The following GPC6 variants were observed in gnomAD, a reference collection of about 807,000 sequenced individuals.
The protein encoded by GPC6 is glypican-6.
In GPC6, 14 loss-of-function variants were observed where a neutral mutation model predicts 55.2. The observed-to-expected ratio is 0.25, with a 90% CI of 0.17 to 0.40. The LOEUF is 0.40. Among genes scored for constraint, GPC6 ranks in the 10% least tolerant of loss-of-function variants. The probability of loss-of-function intolerance (pLI) is 1.00; values close to 1 mark genes in which losing one functional copy is unlikely to be tolerated. For missense variants in GPC6, 641 were observed against 708.5 expected (o/e 0.90, Z 1.08); for synonymous variants, 278 against 259.6 (o/e 1.07, Z -0.68).
At chr13:93,723,441 A>G (rs1463026118) in intron 2 of GPC6, among the ~76,000 whole-genome samples, 1 of 152,008 alleles carries the variant, frequency 6.6e-6, no homozygotes, top group African/African-American at 2.4e-5. Context: ...GATGTACAGC[A>G]AAAGGAGCAG....
intron 6 of GPC6, among the ~76,000 whole-genome samples, chr13:94,332,193 A>C (rs1877461759): frequency 6.6e-6 from 1 of 152,056 alleles, no homozygotes; most frequent in African/African-American, 2.4e-5. Context: ...CCCTTTTCTC[A>C]TCCTTTTTTG....
intron 4 of GPC6, among the ~76,000 whole-genome samples, chr13:94,078,692 CA>C (rs1168897846): frequency 6.6e-6 from 1 of 151,790 alleles, no homozygotes; most frequent in Non-Finnish European, 1.5e-5. Context: ...GACACTGAAA[CA>C]TGAACTAAAA....
intron 1 of GPC6, among the ~76,000 whole-genome samples, chr13:93,330,841 C>A (rs1378782125): frequency 3.9e-5 from 6 of 152,118 alleles, no homozygotes; most frequent in Non-Finnish European, 7.4e-5. Flanking sequence ...ACGCAAATCC[C>A]AACAAAATGA....
chr13:93,740,638 C>T (rs1422533280), intron 2 of GPC6, among the ~76,000 whole-genome samples: 2 of 152,178 alleles, frequency 1.3e-5, no homozygotes, highest in African/African-American at 4.8e-5. Flanking sequence ...GATAAAATCT[C>T]CTGATCATAT....
chr13:93,270,424 A>G (rs1157695049), intron 1 of GPC6, among the ~76,000 whole-genome samples: 1 of 152,070 alleles, frequency 6.6e-6, no homozygotes, highest in Non-Finnish European at 1.5e-5. Context: ...ATATTTATAT[A>G]ATATCAAGGG....
chr13:94,027,838 T>C lies in GPC6; in HGVS notation c.821T>C (p.Met274Thr). 1 of 1,614,098 alleles carries C rather than the reference T, an allele frequency of 6.2e-7. No homozygotes were observed. Among genetic ancestry groups the C allele is most frequent in the Non-Finnish European group, 8.5e-7 (1 of 1,180,010 alleles). ...RPCNNYCLNV[M>T]KGCLANQADL... ...TGCAACAACTACTGTCTCAACGTCATGAAGGGCTGCTTGGCAAATCAGGCT... is the reference window on the plus strand; with the variant it reads ...TGCAACAACTACTGTCTCAACGTCACGAAGGGCTGCTTGGCAAATCAGGCT... The change falls in exon 4 of 9, where the codon ATG becomes ACG. Residue 274 changes from methionine (M) to threonine (T), a missense_variant. By Grantham distance (81) the Met-to-Thr change is moderately conservative. Coordinates refer to ENST00000377047, the MANE Select transcript of GPC6 (RefSeq NM_005708.5).
At chr13:93,400,166 T>G (rs1438785822) in intron 1 of GPC6, among the ~76,000 whole-genome samples, 1 of 152,102 alleles carries the variant, frequency 6.6e-6, no homozygotes, top group Non-Finnish European at 1.5e-5. Context: ...AGATTTGGTT[T>G]TCTAAGCTCA....
At position 94,385,239 on chromosome 13, in the gene GPC6, C is replaced by CAA. The variant is rs35550666; in HGVS notation, c.1289+2703_1289+2704dup. On this transcript the variant is annotated intron_variant, in intron 7 of 8. Transcript: ENST00000377047. ...TGGGTGACAGAGTGAGACTCCATCT[C>CAA]AAAAAAAAAAAAAAATGGCAATGGG... 5.8e-3 allele frequency among the ~76,000 whole-genome samples: 727 copies of CAA among 126,080 alleles called. 3 individuals are homozygous for CAA. The highest frequency in any genetic ancestry group is 0.02 in the African/African-American group (674 of 34,448). 82.7% of individuals were successfully genotyped at this position (126,080 alleles called of 152,430 possible).
At chr13:94,066,257 C>A (rs1884512186) in intron 4 of GPC6, among the ~76,000 whole-genome samples, 1 of 151,928 alleles carries the variant, frequency 6.6e-6, no homozygotes, top group South Asian at 2.1e-4. Context: ...CCTTATTATC[C>A]AATTATTCAC....
intron 3 of GPC6, among the ~76,000 whole-genome samples, chr13:93,842,338 A>G (rs1887983027): frequency 6.6e-6 from 1 of 152,170 alleles, no homozygotes; most frequent in African/African-American, 2.4e-5. Flanking sequence ...GGTAGAGAGA[A>G]GATAACTATA....
intron 3 of GPC6, among the ~76,000 whole-genome samples, chr13:93,971,655 G>C (rs1051761275): frequency 1.3e-5 from 2 of 152,214 alleles, no homozygotes; most frequent in African/African-American, 4.8e-5. Flanking sequence ...TAAGGAAAGT[G>C]TAACTTAAGA....
chr13:93,463,942 A>G (rs557171141), intron 1 of GPC6, among the ~76,000 whole-genome samples: 2 of 152,246 alleles, frequency 1.3e-5, no homozygotes, highest in South Asian at 2.1e-4. Context: ...TCTCTGAGGT[A>G]TGGTGGATTC....
chr13:93,568,186 C>T (rs1174907978), intron 2 of GPC6, among the ~76,000 whole-genome samples: 1 of 152,134 alleles, frequency 6.6e-6, no homozygotes, highest in Non-Finnish European at 1.5e-5. Flanking sequence ...TACTAGTTAC[C>T]TCCACTTACC....
intron 1 of GPC6, among the ~76,000 whole-genome samples, chr13:93,269,878 C>T (rs1536697): frequency 0.26 from 28,345 of 110,238 alleles, 3,319 homozygotes; most frequent in Middle Eastern, 0.39. Context: ...GGCGACAGAG[C>T]AAGACTCCAT....
At chr13:94,399,712 A>T (rs536745359) in intron 8 of GPC6, among the ~76,000 whole-genome samples, 5 of 152,324 alleles carry the variant, frequency 3.3e-5, no homozygotes, top group African/African-American at 7.2e-5. Context: ...CATTTTAAAG[A>T]ACTCAAAAAA....
chr13:93,388,278 T>C (rs1455039152), intron 1 of GPC6, among the ~76,000 whole-genome samples: 2 of 152,182 alleles, frequency 1.3e-5, no homozygotes, highest in African/African-American at 2.4e-5. Flanking sequence ...ATTTATCAGC[T>C]GTTAATCCAG....
At chr13:94,028,549 G>A (rs1296735359) in intron 4 of GPC6, among the ~76,000 whole-genome samples, 1 of 149,798 alleles carries the variant, frequency 6.7e-6, no homozygotes, top group African/African-American at 2.4e-5. Context: ...TTTTTTATTT[G>A]TATTACCTCA....
chr13:94,000,467 T>A (rs1881748930), intron 3 of GPC6, among the ~76,000 whole-genome samples: 1 of 152,200 alleles, frequency 6.6e-6, no homozygotes, highest in Non-Finnish European at 1.5e-5. Context: ...TGCTTAGAAC[T>A]CATAGCAGGA....
chr13:94,132,390 T>C (rs867835666), intron 4 of GPC6, among the ~76,000 whole-genome samples: 8 of 152,160 alleles, frequency 5.3e-5, no homozygotes, highest in Non-Finnish European at 1.0e-4. Context: ...CCATTTTGAA[T>C]GTATGCAAGT....
Sources: allele counts gnomAD v4.1 joint callset (sites outside exome capture counted in the v4.1 genomes callset), GRCh38; gene constraint gnomAD v4.1.1; transcripts MANE v1.5; gene names NCBI Gene and HGNC (gene_info 2026-07-23, HGNC 2026-07-21).